GPC5: variants seen among roughly 807,000 people sequenced by gnomAD.
GPC5 encodes the protein glypican-5.
In GPC5, 47 loss-of-function variants were observed where a neutral mutation model predicts 53.9. That is an observed-to-expected ratio of 0.87 (90% confidence interval 0.69 to 1.11). GPC5 has a LOEUF of 1.11. Among genes scored for constraint, GPC5 ranks in the 50% most tolerant of loss-of-function variants. The probability of loss-of-function intolerance (pLI) is 0.00; values close to 1 mark genes in which losing one functional copy is unlikely to be tolerated. For missense variants in GPC5, 748 were observed against 713.1 expected, an observed-to-expected ratio of 1.05 and a Z score of -0.56; for synonymous variants, 286 against 263.3, an observed-to-expected ratio of 1.09 and a Z score of -0.84.
rs1368143456 is a variant in GPC5 at position 91,728,635 on chromosome 13, A to G, written c.1124A>G (p.Asn375Ser). ...EKHGMKTTTR[N>S]SEETLANRRK... ...CATGGAATGAAGACCACCACAAGGA[A>G]CAGTGAAGAGACGCTTGCCAACAGA... is the stretch of plus-strand genomic sequence containing the variant. The change falls in exon 4 of 8, where the codon AAC becomes AGC. Residue 375 changes from asparagine (N) to serine (S), a missense_variant. Transcript: ENST00000377067. 1.9e-6 allele frequency: 3 copies of G among 1,612,832 alleles called. No homozygotes were observed. The South Asian group carries it at 3.3e-5, about 18-fold the overall frequency.
intron 7 of GPC5, chr13:92,705,927 A>G (rs890072567): frequency 1.3e-5 from 2 of 151,460 alleles, no homozygotes; most frequent in East Asian, 1.9e-4. Context: ...CTCCACCAAA[A>G]AAAAAAAAAA....
At chr13:92,124,557 A>T (rs1180212978) in intron 6 of GPC5, among the ~76,000 whole-genome samples, 3 of 152,216 alleles carry the variant, frequency 2.0e-5, no homozygotes, top group Admixed American at 2.0e-4. Context: ...AGAATGAGGA[A>T]AGTGGAAATT....
chr13:92,385,753 GTGTATATATATACGTATATATACATATA>G (rs1300907623), intron 7 of GPC5, among the ~76,000 whole-genome samples: 3 of 103,828 alleles, frequency 2.9e-5, no homozygotes, highest in South Asian at 3.0e-4. Flanking sequence ...ATATATACAC[GTGTATATATATACGTATATATACATATA>G]TGTATATATA....
intron 2 of GPC5, among the ~76,000 whole-genome samples, chr13:91,632,333 G>A (rs148921015): frequency 4.4e-4 from 67 of 152,136 alleles, no homozygotes; most frequent in African/African-American, 1.5e-3. Context: ...TATGGAATTG[G>A]GGATCTAAGG....
At chr13:92,765,549 C>A (rs763408145) in intron 7 of GPC5, among the ~76,000 whole-genome samples, 4 of 152,128 alleles carry the variant, frequency 2.6e-5, no homozygotes, top group Non-Finnish European at 4.4e-5. Context: ...AACGTATTGG[C>A]CCCAATTCCC....
intron 7 of GPC5, among the ~76,000 whole-genome samples, chr13:92,290,909 G>A (rs34528231): frequency 0.086 from 13,047 of 152,094 alleles, 621 homozygotes; most frequent in Middle Eastern, 0.12. Flanking sequence ...GGCGGAAACC[G>A]GGGCTGCGCA....
intron 7 of GPC5, among the ~76,000 whole-genome samples, chr13:92,226,628 T>A (rs1444498777): frequency 6.6e-6 from 1 of 151,596 alleles, no homozygotes; most frequent in Non-Finnish European, 1.5e-5. Context: ...TTTTTCTTTT[T>A]TTCTTTTTTT....
chr13:92,023,749 A>G (rs2040778772), intron 6 of GPC5, among the ~76,000 whole-genome samples: 1 of 151,984 alleles, frequency 6.6e-6, no homozygotes, highest in South Asian at 2.1e-4. Flanking sequence ...CAATAGAAAT[A>G]TATTTTTGTA....
At chr13:92,510,442 T>C (rs1043484339) in intron 7 of GPC5, among the ~76,000 whole-genome samples, 5 of 152,328 alleles carry the variant, frequency 3.3e-5, no homozygotes, top group African/African-American at 1.2e-4. Flanking sequence ...TATCCTTTCT[T>C]AGAAGCATGC....
chr13:91,661,973 G>A (rs2034997942), intron 2 of GPC5, among the ~76,000 whole-genome samples: 1 of 152,196 alleles, frequency 6.6e-6, no homozygotes, highest in Non-Finnish European at 1.5e-5. Flanking sequence ...TTAAACTGCT[G>A]TTTTGAGCAC....
chr13:92,306,087 T>C (rs1372270248), intron 7 of GPC5, among the ~76,000 whole-genome samples: 1 of 152,168 alleles, frequency 6.6e-6, no homozygotes, highest in African/African-American at 2.4e-5. Context: ...ATTGTTTCAA[T>C]TGAGTAGTGA....
chr13:92,197,940 T>G (rs2042269099), intron 7 of GPC5, among the ~76,000 whole-genome samples: 1 of 152,154 alleles, frequency 6.6e-6, no homozygotes, highest in African/African-American at 2.4e-5. Context: ...TGCAGCCATG[T>G]GGGCCTTCTT....
At chr13:91,964,597 C>T (rs1227528388) in intron 6 of GPC5, among the ~76,000 whole-genome samples, 1 of 152,062 alleles carries the variant, frequency 6.6e-6, no homozygotes, top group African/African-American at 2.4e-5. Context: ...TGTTTACAAA[C>T]CTTTAGCTAG....
At chr13:92,030,613 C>A (rs903742052) in intron 6 of GPC5, among the ~76,000 whole-genome samples, 1 of 152,024 alleles carries the variant, frequency 6.6e-6, no homozygotes, top group African/African-American at 2.4e-5. Context: ...ACACTCCCCA[C>A]AAACTGTTCT....
rs147258508 is a variant in GPC5, at chr13:92,561,555, T to C, written c.1562-304727T>C. Among the ~76,000 whole-genome samples, 309 of 152,176 alleles carry C rather than the reference T, an allele frequency of 2.0e-3. 1 individual carries two copies. Among genetic ancestry groups the C allele is most frequent in the African/African-American group, 7.2e-3 (301 of 41,554 alleles). On this transcript the variant is annotated intron_variant, in intron 7 of 7. Transcript: ENST00000377067. ...AATGCCTGGCATGTAGTAAGCACTA[T>C]ACAAATGTCATTTATTCATTTCCAC... is the stretch of plus-strand genomic sequence containing the variant.
At chr13:92,162,915 G>A (rs1444528931) in intron 7 of GPC5, among the ~76,000 whole-genome samples, 1 of 151,806 alleles carries the variant, frequency 6.6e-6, no homozygotes, top group Non-Finnish European at 1.5e-5. Context: ...AAAATTATAT[G>A]TATTATACAT....
chr13:91,915,354 A>G (rs2039648035), intron 6 of GPC5, among the ~76,000 whole-genome samples: 1 of 152,230 alleles, frequency 6.6e-6, no homozygotes, highest in Admixed American at 6.5e-5. Context: ...CATTTAAAAA[A>G]ATCAATTGTC....
intron 2 of GPC5, among the ~76,000 whole-genome samples, chr13:91,480,771 A>G (rs1462777627): frequency 6.6e-6 from 1 of 152,160 alleles, no homozygotes; most frequent in Non-Finnish European, 1.5e-5. Context: ...CACCTAGGTT[A>G]TACCCTTATT....
At chr13:92,521,633 G>T (rs1881052553) in intron 7 of GPC5, among the ~76,000 whole-genome samples, 1 of 152,090 alleles carries the variant, frequency 6.6e-6, no homozygotes, top group Non-Finnish European at 1.5e-5. Context: ...AATTCAAGAT[G>T]GATTAAAGAC....
Sources: gnomAD v4.1 joint callset for allele counts (sites outside exome capture counted in the v4.1 genomes callset) on GRCh38, gnomAD v4.1.1 for gene constraint, MANE v1.5 for transcripts, NCBI Gene and HGNC (gene_info 2026-07-23, HGNC 2026-07-21) for gene names.